PLCH2: variants seen among roughly 807,000 people sequenced by gnomAD.
PLCH2 encodes the protein 1-phosphatidylinositol 4,5-bisphosphate phosphodiesterase eta-2.
In PLCH2, 98 loss-of-function variants were observed where a neutral mutation model predicts 134.7. The ratio of observed to expected loss-of-function variants is 0.73; its 90% CI spans 0.62 to 0.86. The LOEUF is 0.86. Ranked by LOEUF, PLCH2 falls within the 40% of genes least tolerant of loss-of-function variation. The pLI is 0.00. For synonymous variants in PLCH2, 974 were observed against 827.5 expected, an observed-to-expected ratio of 1.18 and a Z score of -3.04; for missense variants, 1,994 against 1,986.6, an observed-to-expected ratio of 1.00 and a Z score of -0.07.
chr1:2,461,123 G>GC (rs1221124512), intron 2 of PLCH2, among the ~76,000 whole-genome samples: 1 of 152,238 alleles, frequency 6.6e-6, no homozygotes, highest in Non-Finnish European at 1.5e-5. Context: ...TGGCCATGGG[G>GC]CAGTGTTCGT....
chr1:2,479,750 C>G lies in PLCH2; in HGVS notation c.288C>G (p.Ile96Met). The change falls in exon 3 of 22, where the codon ATC becomes ATG. Residue 96 changes from isoleucine (I) to methionine (M), a missense_variant. Ile to Met is a conservative substitution (Grantham distance 10). Coordinates refer to ENST00000378486, the MANE Select transcript of PLCH2 (RefSeq NM_014638.4). ...NEKAKISIDS[I>M]QEVSEGRQSE... ...ACCCCGCAGTCTCCATCGACTCCAT[C>G]CAGGAGGTGAGTGAGGGGCGGCAGT... The G allele has an allele frequency of 6.5e-7, 1 of 1,546,694 alleles. No homozygotes were observed. Among genetic ancestry groups the G allele is most frequent in the East Asian group, 2.4e-5 (1 of 40,870 alleles).
intron 2 of PLCH2, among the ~76,000 whole-genome samples, chr1:2,453,079 G>GA (rs1311531407): frequency 6.6e-6 from 1 of 151,910 alleles, no homozygotes; most frequent in Non-Finnish European, 1.5e-5. Flanking sequence ...AGTGCTCTCA[G>GA]AGCTGGGACT....
chr1:2,486,990 G>A lies in PLCH2; in HGVS notation c.900G>A (p.Leu300=), dbSNP rs374711894. 1.3e-6 allele frequency: 2 copies of A among 1,597,224 alleles called. No homozygotes were observed. Among genetic ancestry groups the A allele is most frequent in the South Asian group, 2.3e-5 (2 of 87,942 alleles). The change falls in exon 6 of 22, where the codon CTG becomes CTA. Residue 300 remains leucine (L), a synonymous_variant. Coordinates refer to ENST00000378486, the MANE Select transcript of PLCH2 (RefSeq NM_014638.4). ...CAGAAAACAAGAGTAAGGGGCTGCT[G>A]GGCATTGATGGTGAGTGGGGCGCTG... The part of the protein sequence containing the change: ...PCPENKSKGL[L]GIDGFTNYTR...
In PLCH2 at chr1:2,428,287, G is replaced by A. The variant is rs114398841; in HGVS notation, c.-177-2051G>A. Reference sequence around the variant, plus strand: ...TCGGCCAGCACTCCATGGCCAGGGCGGGGAGCAGCAGGCCTCGCTGGGGAT... The same window carrying A: ...TCGGCCAGCACTCCATGGCCAGGGCAGGGAGCAGCAGGCCTCGCTGGGGAT... On this transcript the variant is annotated intron_variant, in intron 1 of 3. Coordinates refer to the PLCH2 transcript ENST00000609981. 7.4e-3 allele frequency among the ~76,000 whole-genome samples: 1,123 copies of A among 152,332 alleles called. 10 individuals are homozygous for A. Among genetic ancestry groups the A allele is most frequent in the Middle Eastern group, 0.031 (9 of 294 alleles).
chr1:2,466,024 G>T (rs1165763185), upstream of PLCH2, among the ~76,000 whole-genome samples: 2 of 152,224 alleles, frequency 1.3e-5, no homozygotes, highest in Admixed American at 1.3e-4. Flanking sequence ...ACTGTCCCAG[G>T]GGACATGCAG....
At chr1:2,429,573 TG>T (rs1358267119) in intron 1 of PLCH2, among the ~76,000 whole-genome samples, 1 of 152,130 alleles carries the variant, frequency 6.6e-6, no homozygotes, top group Non-Finnish European at 1.5e-5. Context: ...GTTTGGAGCC[TG>T]GGGCCCCTTC....
chr1:2,478,140 C>A (rs1333455787), intron 1 of PLCH2, among the ~76,000 whole-genome samples: 1 of 152,212 alleles, frequency 6.6e-6, no homozygotes, highest in African/African-American at 2.4e-5. Context: ...GCTGCTAGGA[C>A]TGGTCCAGGA....
intron 2 of PLCH2, among the ~76,000 whole-genome samples, chr1:2,447,287 C>T (rs1022109118): frequency 1.3e-5 from 2 of 152,192 alleles, no homozygotes; most frequent in African/African-American, 2.4e-5. Flanking sequence ...TTGCTCACCT[C>T]ACCCGCATCC....
intron 2 of PLCH2, among the ~76,000 whole-genome samples, chr1:2,452,628 G>A (rs958857487): frequency 2.6e-5 from 4 of 152,228 alleles, no homozygotes; most frequent in South Asian, 2.1e-4. Flanking sequence ...CCAGAGAGCA[G>A]CAGATGGGCC....
chr1:2,443,435 G>A (rs1202710357), intron 2 of PLCH2, among the ~76,000 whole-genome samples: 3 of 152,192 alleles, frequency 2.0e-5, no homozygotes, highest in African/African-American at 7.2e-5. Flanking sequence ...CCAGCCTGGA[G>A]ATGGGAAGCG....
the PLCH2 span, among the ~76,000 whole-genome samples, chr1:2,420,189 G>C: frequency 1.3e-5 from 2 of 152,090 alleles, no homozygotes; most frequent in Non-Finnish European, 2.9e-5. Context: ...ATCCCTCTCA[G>C]CTGACCCCAA....
intron 21 of PLCH2, chr1:2,502,855 C>T (rs1289363384): frequency 5.6e-6 from 4 of 717,182 alleles, no homozygotes; most frequent in Non-Finnish European, 1.0e-5. Flanking sequence ...AGATGAGTGC[C>T]TTGTTTGCTC....
At chr1:2,450,128 C>T (rs1053691066) in intron 2 of PLCH2, among the ~76,000 whole-genome samples, 2 of 152,246 alleles carry the variant, frequency 1.3e-5, no homozygotes, top group South Asian at 2.1e-4. Flanking sequence ...CAGGAACAGG[C>T]ACCCTGGGCA....
upstream of PLCH2, among the ~76,000 whole-genome samples, chr1:2,475,041 C>T (rs1419626944): frequency 6.6e-6 from 1 of 152,200 alleles, no homozygotes; most frequent in African/African-American, 2.4e-5. Flanking sequence ...CCGCCGAGAG[C>T]AGCAGAGCCT....
intron 15 of PLCH2, 52 bp from the exon 16 acceptor site, chr1:2,497,450 C>A: frequency 1.5e-6 from 2 of 1,318,652 alleles, no homozygotes; most frequent in Non-Finnish European, 1.1e-6. Flanking sequence ...GGGCGGGGCA[C>A]ACACCTGGAA....
At position 2,433,723 on chromosome 1, in the gene PLCH2, A is replaced by G. The variant is rs1207027020; in HGVS notation, c.115+3094A>G. ...ACTCAGAGGAGATGCTTTGGAAAAT[A>G]CAGAAAAAGACAAGGGAGAAAATCA... On this transcript the variant is annotated intron_variant, in intron 2 of 3. Coordinates refer to the PLCH2 transcript ENST00000609981. Among the ~76,000 whole-genome samples the G allele has an allele frequency of 2.0e-5, 3 of 152,296 alleles. No individual in the cohort carries two copies. The East Asian group carries it at 5.8e-4, about 29-fold the overall frequency.
intron 7 of PLCH2, 34 bp downstream of exon 7, chr1:2,487,410 T>A (rs1335438900): frequency 6.3e-7 from 1 of 1,581,762 alleles, no homozygotes; most frequent in Non-Finnish European, 8.6e-7. Flanking sequence ...GGCCGTGGGC[T>A]GGCATCTGCT....
rs1476203324 is a variant in PLCH2 at position 2,504,899 on chromosome 1, G to A, written c.3937G>A (p.Gly1313Arg). 1.9e-6 allele frequency: 3 copies of A among 1,586,008 alleles called. No homozygotes were observed. Among genetic ancestry groups the A allele is most frequent in the South Asian group, 2.3e-5 (2 of 88,198 alleles). Residue 1313 changes from glycine to arginine, a missense_variant, in exon 22 of 22, where the codon GGA (glycine) becomes AGA (arginine). Coordinates refer to ENST00000378486, the MANE Select transcript of PLCH2 (RefSeq NM_014638.4). ...LRWLTVFQQA[G>R]DITSPTSLGP... ...CTGGCTCACTGTCTTCCAGCAGGCAGGAGACATCACGTCACCCACCAGCCT... is the reference window on the plus strand; with the variant it reads ...CTGGCTCACTGTCTTCCAGCAGGCAAGAGACATCACGTCACCCACCAGCCT...
chr1:2,476,606 C>A lies in PLCH2; in HGVS notation c.18C>A (p.Pro6=). Residue 6 remains proline, a synonymous_variant, in exon 1 of 22, where the codon CCC becomes CCA. Coordinates refer to ENST00000378486, the MANE Select transcript of PLCH2 (RefSeq NM_014638.4). Reference sequence around the variant, plus strand: ...GTCAGGCCATGTCTGGTCCATGGCCCTCCCCCGACAGCCGGACCAAGGGAA... The same window carrying A: ...GTCAGGCCATGTCTGGTCCATGGCCATCCCCCGACAGCCGGACCAAGGGAA... MSGPW[P]SPDSRTKGTV... The A allele has an allele frequency of 6.3e-7, 1 of 1,580,430 alleles. No individual in the cohort carries two copies. Among genetic ancestry groups the A allele is most frequent in the Non-Finnish European group, 8.6e-7 (1 of 1,166,426 alleles).
Sources: allele counts gnomAD v4.1 joint callset (sites outside exome capture counted in the v4.1 genomes callset), GRCh38; gene constraint gnomAD v4.1.1; transcripts MANE v1.5; gene names NCBI Gene and HGNC (gene_info 2026-07-23, HGNC 2026-07-21).